DOK6: variants seen among roughly 807,000 people sequenced by gnomAD.
The protein encoded by DOK6 is docking protein 6.
In DOK6, 22 loss-of-function variants were observed where a neutral mutation model predicts 44.0. The ratio of observed to expected loss-of-function variants is 0.50; its 90% CI spans 0.36 to 0.71. The LOEUF (loss-of-function observed/expected upper bound fraction) is 0.71, where lower values mean the gene tolerates loss of function less well. Ranked by LOEUF, DOK6 falls within the 30% of genes least tolerant of loss-of-function variation. The pLI, the probability that DOK6 is intolerant of heterozygous loss-of-function variation, is 0.00. For missense variants in DOK6, 340 were observed against 416.4 expected, an observed-to-expected ratio of 0.82 and a Z score of 1.60; for synonymous variants, 166 against 145.5, an observed-to-expected ratio of 1.14 and a Z score of -1.01.
rs61202412 is a variant in DOK6 at position 69,768,954 on chromosome 18, C to CGTGTGTGT, written c.856+11102_856+11109dup. Among the ~76,000 whole-genome samples, 473 of 142,694 alleles carry CGTGTGTGT rather than the reference C, an allele frequency of 3.3e-3. 4 individuals carry two copies. Among genetic ancestry groups the CGTGTGTGT allele is most frequent in the African/African-American group, 0.01 (406 of 39,274 alleles). 93.6% of individuals were successfully genotyped at this position (142,694 alleles called of 152,430 possible). On this transcript the variant is annotated intron_variant, in intron 7 of 7. Coordinates refer to ENST00000382713, the MANE Select transcript of DOK6 (RefSeq NM_152721.6). The stretch of plus-strand genomic sequence containing the variant: ...TTTATGCTAAGATTTGAAGGGTGTG[C>CGTGTGTGT]GTGTGTGTGTGTGTGTGTGTGTGTG...
intron 3 of DOK6, among the ~76,000 whole-genome samples, chr18:69,637,308 A>G (rs889287662): frequency 2.6e-5 from 4 of 152,224 alleles, no homozygotes; most frequent in African/African-American, 7.2e-5. Flanking sequence ...AGGAAATGCA[A>G]TGTAACATGT....
intron 2 of DOK6, among the ~76,000 whole-genome samples, chr18:69,584,506 G>T (rs1983452366): frequency 6.6e-6 from 1 of 152,096 alleles, no homozygotes; most frequent in South Asian, 2.1e-4. Flanking sequence ...TGGCCAGGCT[G>T]GTCTTGAACT....
Position 69,771,114 on chromosome 18 carries a change from A to G in DOK6, c.856+13241A>G, listed in dbSNP as rs188665415. ...TTAACTGAAATTAATAGTCAAATTT[A>G]TAAATTGCAAAATAAATATAGCCTA... On this transcript the variant is annotated intron_variant, in intron 7 of 7. Coordinates refer to ENST00000382713, the MANE Select transcript of DOK6 (RefSeq NM_152721.6). Among the ~76,000 whole-genome samples, 4 of 152,228 alleles carry G rather than the reference A, an allele frequency of 2.6e-5. No individual in the cohort carries two copies. The East Asian group carries it at 7.7e-4, about 29-fold the overall frequency.
At chr18:69,670,109 A>T (rs1462885704) in intron 3 of DOK6, among the ~76,000 whole-genome samples, 1 of 152,084 alleles carries the variant, frequency 6.6e-6, no homozygotes, top group Non-Finnish European at 1.5e-5. Context: ...TATTGTTATC[A>T]ATTTGATTTT....
At chr18:69,677,678 T>C (rs1985953076) in intron 3 of DOK6, 56 bp from the exon 4 acceptor site, 1 of 1,608,246 alleles carries the variant, frequency 6.2e-7, no homozygotes, top group Non-Finnish European at 8.5e-7. Flanking sequence ...GAAATATTCT[T>C]CTTCCATCAT....
intron 7 of DOK6, among the ~76,000 whole-genome samples, chr18:69,820,401 A>G (rs1377463747): frequency 6.6e-6 from 1 of 152,214 alleles, no homozygotes; most frequent in South Asian, 2.1e-4. Flanking sequence ...AATTTTTCCT[A>G]GTAATACACA....
intron 1 of DOK6, among the ~76,000 whole-genome samples, chr18:69,407,666 G>C (rs1014715415): frequency 5.3e-5 from 8 of 152,172 alleles, no homozygotes; most frequent in African/African-American, 1.9e-4. Flanking sequence ...GTCAGTCAAA[G>C]TGGATAGAAT....
intron 2 of DOK6, among the ~76,000 whole-genome samples, chr18:69,566,427 C>G (rs138793843): frequency 0.01 from 1,591 of 152,258 alleles, 27 homozygotes; most frequent in African/African-American, 0.036. Context: ...CGAACCACCG[C>G]ACCCGGCCCA....
intron 7 of DOK6, among the ~76,000 whole-genome samples, chr18:69,821,415 A>C (rs1017908347): frequency 3.9e-5 from 6 of 152,212 alleles, no homozygotes; most frequent in Admixed American, 6.5e-5. Flanking sequence ...CTCTCTTAAC[A>C]AAAGAATTCT....
In DOK6 at chr18:69,843,020, A is replaced by T. The variant is rs141929695; in HGVS notation, c.*1637A>T. 1.6e-3 allele frequency: 242 copies of T among 152,234 alleles called. 1 individual carries two copies. Among genetic ancestry groups the T allele is most frequent in the African/African-American group, 5.4e-3 (225 of 41,516 alleles). 9.4% of individuals were successfully genotyped at this position (152,234 alleles called of 1,614,324 possible). ...ATCTGTAGCTTGAGTGCAGATTGAC[A>T]ATTCATTTCAGTGAATTACTACCGA... On this transcript the variant is annotated 3_prime_UTR_variant, in exon 8 of 8. Coordinates refer to ENST00000382713, the MANE Select transcript of DOK6 (RefSeq NM_152721.6).
At chr18:69,785,690 C>T (rs995484568) in intron 7 of DOK6, among the ~76,000 whole-genome samples, 2 of 152,114 alleles carry the variant, frequency 1.3e-5, no homozygotes, top group African/African-American at 2.4e-5. Flanking sequence ...GCCTTTTTAT[C>T]TCAATGTGCT....
chr18:69,714,968 T>C (rs560503136), intron 5 of DOK6, among the ~76,000 whole-genome samples: 8 of 152,326 alleles, frequency 5.3e-5, no homozygotes, highest in Admixed American at 5.2e-4. Flanking sequence ...ATTTATTTAA[T>C]GTGTTTTTTT....
intron 1 of DOK6, among the ~76,000 whole-genome samples, chr18:69,539,466 G>C (rs1364507005): frequency 9.1e-6 from 1 of 110,362 alleles, no homozygotes; most frequent in Non-Finnish European, 1.9e-5. Context: ...TACAAAAACA[G>C]CTTTTTTTTT....
intron 5 of DOK6, among the ~76,000 whole-genome samples, chr18:69,717,610 A>G (rs986133323): frequency 6.6e-5 from 10 of 152,174 alleles, no homozygotes; most frequent in Non-Finnish European, 1.5e-4. Context: ...AGGCAGAGAG[A>G]GAGGGAAACT....
At chr18:69,727,510 T>A (rs1427317309) in intron 5 of DOK6, among the ~76,000 whole-genome samples, 7 of 152,210 alleles carry the variant, frequency 4.6e-5, no homozygotes, top group Admixed American at 2.0e-4. Context: ...CCCAAGTGAT[T>A]GTAGAAGGCA....
chr18:69,536,974 T>TTTATTATTATTA (rs780018877), intron 1 of DOK6, among the ~76,000 whole-genome samples: 3,464 of 100,580 alleles, frequency 0.034, 80 homozygotes, highest in South Asian at 0.15. Context: ...CGACAGAAGA[T>TTTATTATTATTA]TTATCATTAT....
At position 69,698,585 on chromosome 18, in the gene DOK6, G is replaced by A; in HGVS notation, c.591G>A (p.Glu197=). Residue 197 remains glutamate (E), a synonymous_variant, in exon 5 of 8, where the codon GAG becomes GAA. Coordinates refer to ENST00000382713, the MANE Select transcript of DOK6 (RefSeq NM_152721.6). ...GGGACTCAACGTGGTTCACGTTTGA[G>A]TCAGGAAGGTAAGATCTAGTGCAGC... ...YGRDSTWFTF[E]SGRMCDTGEG... The A allele has an allele frequency of 6.2e-7, 1 of 1,613,220 alleles. No individual in the cohort carries two copies. The highest frequency in any genetic ancestry group is 8.5e-7 in the Non-Finnish European group (1 of 1,179,660).
intron 1 of DOK6, among the ~76,000 whole-genome samples, chr18:69,408,941 T>C (rs1232637541): frequency 6.6e-6 from 1 of 152,200 alleles, no homozygotes; most frequent in Non-Finnish European, 1.5e-5. Context: ...ATGTGTACAT[T>C]TATACATAAA....
At chr18:69,815,455 C>T (rs1981370967) in intron 7 of DOK6, among the ~76,000 whole-genome samples, 1 of 152,118 alleles carries the variant, frequency 6.6e-6, no homozygotes, top group African/African-American at 2.4e-5. Flanking sequence ...TGCATTGTGG[C>T]AATTACTTGG....
Sources: gnomAD v4.1 joint callset for allele counts (sites outside exome capture counted in the v4.1 genomes callset) on GRCh38, gnomAD v4.1.1 for gene constraint, MANE v1.5 for transcripts, NCBI Gene and HGNC (gene_info 2026-07-23, HGNC 2026-07-21) for gene names.